The following CCDC141 variants were observed in gnomAD, a reference collection of about 807,000 sequenced individuals.
The protein encoded by CCDC141 is coiled-coil domain containing 141, also known as coiled-coil domain-containing protein 141.
CCDC141 carries 168 observed loss-of-function variants against 181.0 expected under a neutral mutation model. The ratio of observed to expected loss-of-function variants is 0.93; its 90% CI spans 0.82 to 1.05. The LOEUF (loss-of-function observed/expected upper bound fraction) is 1.05. CCDC141 is among the 50% of genes least tolerant of loss of function. The pLI is 0.00. For missense variants in CCDC141, 1,902 were observed against 1,788.5 expected, an observed-to-expected ratio of 1.06 and a Z score of -1.14; for synonymous variants, 666 against 642.3, an observed-to-expected ratio of 1.04 and a Z score of -0.56.
chr2:178,926,054 T>C (rs80209284), intron 6 of CCDC141, among the ~76,000 whole-genome samples: 2,907 of 152,216 alleles, frequency 0.019, 87 homozygotes, highest in East Asian at 0.13. Flanking sequence ...TTAAATCTGA[T>C]TGGCTGTTAT....
chr2:178,984,816 C>A (rs1161521578), intron 2 of CCDC141, among the ~76,000 whole-genome samples: 1 of 152,060 alleles, frequency 6.6e-6, no homozygotes, highest in Non-Finnish European at 1.5e-5. Context: ...ATTCATAAAG[C>A]AAGTTCTGAG....
chr2:178,837,839 G>C, intron 22 of CCDC141, 95 bp from the exon 23 acceptor site: 1 of 1,359,722 alleles, frequency 7.4e-7, no homozygotes, highest in African/African-American at 2.3e-5. Context: ...GATAACTCGA[G>C]ACAACCTACA....
intron 4 of CCDC141, among the ~76,000 whole-genome samples, chr2:178,969,130 A>T (rs1418124602): frequency 2.8e-5 from 3 of 106,646 alleles, no homozygotes; most frequent in Non-Finnish European, 5.6e-5. Flanking sequence ...AAAAAAAAAA[A>T]GCCCAGGACC....
chr2:178,896,626 C>A (rs551437856), intron 8 of CCDC141, among the ~76,000 whole-genome samples: 4 of 152,142 alleles, frequency 2.6e-5, no homozygotes, highest in Non-Finnish European at 5.9e-5. Context: ...ATTTAGCCAA[C>A]AGGCTTCTTG....
rs2043541802 is a variant in CCDC141 at position 179,047,604 on chromosome 2, C to G, written c.103-198G>C. On this transcript the variant is annotated intron_variant, in intron 1 of 23. Coordinates refer to ENST00000443758, the MANE Select transcript of CCDC141 (RefSeq NM_173648.4). ...CAACAGATCTAATATAAATCCATGC[C>G]CTGTCTTTTATTTTTTATTCTTAGC... Among the ~76,000 whole-genome samples, 3 of 152,030 alleles carry G rather than the reference C, an allele frequency of 2.0e-5. No individual in the cohort carries two copies. The East Asian group carries it at 5.8e-4, about 29-fold the overall frequency.
chr2:178,891,462 G>C (rs1346540546), intron 8 of CCDC141, among the ~76,000 whole-genome samples: 1 of 152,118 alleles, frequency 6.6e-6, no homozygotes, highest in Admixed American at 6.6e-5. Flanking sequence ...GTGGGGTAGG[G>C]AGTATTTTCT....
intron 2 of CCDC141, among the ~76,000 whole-genome samples, chr2:179,021,802 GA>G (rs1337058168): frequency 1.3e-5 from 2 of 152,142 alleles, no homozygotes; most frequent in African/African-American, 4.8e-5. Context: ...GTTTATAATG[GA>G]AATGCCAGCT....
intron 2 of CCDC141, among the ~76,000 whole-genome samples, chr2:179,030,807 C>T (rs1049759982): frequency 1.3e-5 from 2 of 152,012 alleles, no homozygotes; most frequent in African/African-American, 2.4e-5. Context: ...TTATTAATTG[C>T]CTTCAAACAT....
chr2:178,816,120 T>TTA, the CCDC141 span, among the ~76,000 whole-genome samples: 1 of 152,230 alleles, frequency 6.6e-6, no homozygotes, highest in Non-Finnish European at 1.5e-5. Context: ...TGATGTTTAA[T>TTA]GACATGTATC....
chr2:178,989,593 CAAAAAAA>C (rs1204459331), intron 2 of CCDC141, among the ~76,000 whole-genome samples: 6 of 76,632 alleles, frequency 7.8e-5, no homozygotes, highest in African/African-American at 2.4e-4. Context: ...GACCCTGCCT[CAAAAAAA>C]AAAAAAAATA....
intron 4 of CCDC141, among the ~76,000 whole-genome samples, chr2:178,963,716 G>C (rs902511820): frequency 2.0e-5 from 3 of 151,878 alleles, no homozygotes; most frequent in African/African-American, 4.8e-5. Flanking sequence ...TTGTAAAAAG[G>C]CATTTTGAGA....
chr2:178,971,146 C>T (rs572146393), intron 4 of CCDC141, among the ~76,000 whole-genome samples: 2 of 152,074 alleles, frequency 1.3e-5, no homozygotes, highest in South Asian at 2.1e-4. Flanking sequence ...AGGTGGAGGT[C>T]GCAGTGATCT....
chr2:178,901,189 T>G (rs975967041), intron 8 of CCDC141, among the ~76,000 whole-genome samples: 10 of 152,130 alleles, frequency 6.6e-5, no homozygotes, highest in Non-Finnish European at 1.5e-4. Context: ...AAGGAGGAGC[T>G]GGTACAATTC....
intron 2 of CCDC141, among the ~76,000 whole-genome samples, chr2:179,028,603 T>C (rs1175074433): frequency 6.6e-6 from 1 of 152,198 alleles, no homozygotes; most frequent in Non-Finnish European, 1.5e-5. Flanking sequence ...ACCAGTGGGA[T>C]ATCTGTTTTT....
At chr2:178,997,930 C>A (rs1296356879) in intron 2 of CCDC141, among the ~76,000 whole-genome samples, 1 of 152,100 alleles carries the variant, frequency 6.6e-6, no homozygotes, top group Non-Finnish European at 1.5e-5. Context: ...TTGCTGTCGG[C>A]TGTAGATGGA....
intron 11 of CCDC141, among the ~76,000 whole-genome samples, chr2:178,884,424 T>C (rs1686778422): frequency 6.6e-6 from 1 of 152,228 alleles, no homozygotes; most frequent in Non-Finnish European, 1.5e-5. Flanking sequence ...CTTTATCTTA[T>C]GTAAAATATA....
intron 4 of CCDC141, among the ~76,000 whole-genome samples, chr2:178,965,572 G>A (rs1046205464): frequency 1.3e-5 from 2 of 152,146 alleles, no homozygotes; most frequent in Admixed American, 1.3e-4. Context: ...GACAGCCTGA[G>A]GAACTCCGGC....
chr2:179,009,280 C>A (rs1379713045), intron 2 of CCDC141, among the ~76,000 whole-genome samples: 1 of 152,146 alleles, frequency 6.6e-6, no homozygotes, highest in Non-Finnish European at 1.5e-5. Context: ...AAATGTCCAA[C>A]TTCTGATGTC....
intron 16 of CCDC141, among the ~76,000 whole-genome samples, chr2:178,866,961 C>T (rs1685882640): frequency 6.6e-6 from 1 of 152,138 alleles, no homozygotes; most frequent in Non-Finnish European, 1.5e-5. Flanking sequence ...TCTCGGCCTC[C>T]TAAAGTGCTG....
Sources: allele counts gnomAD v4.1 joint callset (sites outside exome capture counted in the v4.1 genomes callset), GRCh38; gene constraint gnomAD v4.1.1; transcripts MANE v1.5; gene names NCBI Gene and HGNC (gene_info 2026-07-23, HGNC 2026-07-21).